NBPF26: variants seen among roughly 807,000 people sequenced by gnomAD.
NBPF26 encodes NBPF family member NBPF26.
Under a neutral mutation model 119.6 loss-of-function variants are expected in NBPF26, and 79 were observed. That is an observed-to-expected ratio of 0.66 (90% CI 0.55 to 0.80). The LOEUF is 0.80. Among genes scored for constraint, NBPF26 ranks in the 30% least tolerant of loss-of-function variants. NBPF26 has a pLI of 0.00. For missense variants in NBPF26, 800 were observed against 1,198.2 expected (o/e 0.67, Z 4.91); for synonymous variants, 299 against 457.7 (o/e 0.65, Z 4.43).
At position 120,724,410 on chromosome 1, in the gene NBPF26, G is replaced by A. The variant is rs1650792202; in HGVS notation, c.73+160G>A. Among the ~76,000 whole-genome samples the A allele has an allele frequency of 1.7e-5, 2 of 120,400 alleles. 1 individual carries two copies. Among genetic ancestry groups the A allele is most frequent in the Non-Finnish European group, 3.3e-5 (2 of 61,458 alleles). 79.0% of individuals were successfully genotyped at this position (120,400 alleles called of 152,430 possible). A position where few individuals can be genotyped will look rare whatever the true frequency, so the allele number is the denominator to read the frequency against. ...TTCCCAAGAGTTTGGACATCGCCGGGGGCCCCTCCCGTGGTGCCCCGCCAA... is the reference window on the plus strand; with the variant it reads ...TTCCCAAGAGTTTGGACATCGCCGGAGGCCCCTCCCGTGGTGCCCCGCCAA... On this transcript the variant is annotated intron_variant, in intron 1 of 29. Coordinates refer to ENST00000620612, the Ensembl canonical transcript of NBPF26.
intron 24 of NBPF26, 62 bp from the exon 31 acceptor site, chr1:120,836,455 G>A (rs1652428002): frequency 3.6e-4 from 23 of 63,436 alleles, no homozygotes; most frequent in Middle Eastern, 4.2e-3. Context: ...ATTAGACAGT[G>A]GATTGTTATG....
intron 1 of NBPF26, among the ~76,000 whole-genome samples, chr1:120,724,630 G>A (rs1241788009): frequency 8.2e-6 from 1 of 121,304 alleles, no homozygotes; most frequent in Non-Finnish European, 1.6e-5. Flanking sequence ...GCCTCGGAGG[G>A]GCTGAGCGAA....
At chr1:120,825,827 G>A (rs1652253554) in intron 18 of NBPF26, among the ~76,000 whole-genome samples, 141 bp downstream of exon 20, 2 of 442 alleles carry the variant, frequency 4.5e-3, no homozygotes, top group Non-Finnish European at 6.4e-3. Flanking sequence ...GTTGAATGAA[G>A]CTCTAGTTCC....
At chr1:120,759,882 A>C (rs1436592313) in intron 1 of NBPF26, among the ~76,000 whole-genome samples, 2 of 108,662 alleles carry the variant, frequency 1.8e-5, no homozygotes, top group Non-Finnish European at 3.4e-5. Flanking sequence ...ATTATTAACT[A>C]TATTCACCAC....
Position 120,790,011 on chromosome 1 carries a change from T to G in NBPF26, c.416-3150T>G, listed in dbSNP as rs1200990237. Among the ~76,000 whole-genome samples the G allele has an allele frequency of 1.6e-4, 4 of 25,490 alleles. 2 individuals are homozygous for G. Among genetic ancestry groups the G allele is most frequent in the Non-Finnish European group, 3.6e-4 (4 of 11,226 alleles). The allele number at this position is 25,490 out of a possible 152,430, so 16.7% of individuals were successfully genotyped here. A position where few individuals can be genotyped will look rare whatever the true frequency, so the allele number is the denominator to read the frequency against. On this transcript the variant is annotated intron_variant, in intron 3 of 29. Coordinates refer to ENST00000620612, the Ensembl canonical transcript of NBPF26. ...TGTGTTCTGCAAGATTCTGATCACC[T>G]TTTTTTTTTTTTTTTTTTTTTTTGA...
chr1:120,808,431 A>T, intron 6 of NBPF26, 114 bp from the exon 7 acceptor site: 1 of 964,912 alleles, frequency 1.0e-6, no homozygotes, highest in Non-Finnish European at 1.6e-6. Context: ...ACGTGTGCTG[A>T]CCTTCTGTTT....
rs1651166419 is a variant in NBPF26, at chr1:120,764,355, G to GT, written c.155+651dup. Among the ~76,000 whole-genome samples the GT allele has an allele frequency of 3.0e-5, 3 of 99,430 alleles. 1 individual carries two copies. Among genetic ancestry groups the GT allele is most frequent in the Admixed American group, 2.9e-4 (3 of 10,420 alleles). The allele number at this position is 99,430 out of a possible 152,430, so 65.2% of individuals were successfully genotyped here. ...CCCTTAACATGTTACCTATTATCTT[G>GT]TTTTTAAGTAAAACCAAATAGATAT... On this transcript the variant is annotated intron_variant, in intron 2 of 29. Transcript: ENST00000620612.
intron 5 of NBPF26, among the ~76,000 whole-genome samples, chr1:120,806,609 C>T (rs1357743124): frequency 0.08 from 9,950 of 124,136 alleles, 3,158 homozygotes; most frequent in African/African-American, 0.28. Context: ...ACAAACAAAA[C>T]GATAAATAAA....
rs1290617217 is a variant in NBPF26, at chr1:120,770,323, C to G, written c.155+6614C>G. The stretch of plus-strand genomic sequence containing the variant: ...TAGCCGGGACTATAAGCGCCCGCCA[C>G]CACGCCCGGCTAATTTTTTGTATTT... On this transcript the variant is annotated intron_variant, in intron 2 of 29. Transcript: ENST00000620612. Among the ~76,000 whole-genome samples, 29 of 108,162 alleles carry G rather than the reference C, an allele frequency of 2.7e-4. 5 individuals are homozygous for G. The highest frequency in any genetic ancestry group is 4.5e-4 in the Admixed American group (5 of 11,160). The allele number at this position is 108,162 out of a possible 152,430, so 71.0% of individuals were successfully genotyped here.
At chr1:120,793,645 T>C in intron 4 of NBPF26, 149 bp downstream of exon 4, 1 of 609,644 alleles carries the variant, frequency 1.6e-6, no homozygotes, top group Non-Finnish European at 2.9e-6. Context: ...GGGAGGAGTT[T>C]TATGGGCCCA....
intron 1 of NBPF26, among the ~76,000 whole-genome samples, chr1:120,744,960 AAAT>A (rs1175653808): frequency 3.8e-5 from 1 of 25,992 alleles, no homozygotes; most frequent in Non-Finnish European, 6.1e-5. Flanking sequence ...TCTTTACGAA[AAAT>A]AAAAAAATTA....
chr1:120,807,392 C>G (rs1253284266), intron 5 of NBPF26, among the ~76,000 whole-genome samples: 3 of 124,490 alleles, frequency 2.4e-5, no homozygotes, highest in African/African-American at 7.8e-5. Context: ...TTCCTTGATG[C>G]GCCCTTGAGT....
rs1234439489 is a variant in NBPF26, at chr1:120,724,309, C to G, written c.73+59C>G. On this transcript the variant is annotated intron_variant, in intron 1 of 29. Coordinates refer to ENST00000620612, the Ensembl canonical transcript of NBPF26. ...GCCCGGGGCTGCCACCTGGGGCGAC[C>G]CTTCTCCCCCTCAGTCCTTCTCTGT... 13 of 1,363,106 alleles carry G rather than the reference C, an allele frequency of 9.5e-6. 2 individuals are homozygous for G. Among genetic ancestry groups the G allele is most frequent in the Non-Finnish European group, 9.6e-7 (1 of 1,046,816 alleles). The allele number at this position is 1,363,106 out of a possible 1,614,324, so 84.4% of individuals were successfully genotyped here.
At position 120,777,473 on chromosome 1, in the gene NBPF26, G is replaced by C. The variant is rs1169855315; in HGVS notation, c.156-7501G>C. Among the ~76,000 whole-genome samples the C allele has an allele frequency of 9.2e-5, 10 of 108,954 alleles. 3 individuals are homozygous for C. Among genetic ancestry groups the C allele is most frequent in the Non-Finnish European group, 1.4e-4 (8 of 58,212 alleles). 71.5% of individuals were successfully genotyped at this position (108,954 alleles called of 152,430 possible). A position where few individuals can be genotyped will look rare whatever the true frequency, so the allele number is the denominator to read the frequency against. ...TGTGTGTACGTGTGTGAGAGTGAGA[G>C]ATTGTATACTTGTCTTTGTTTCTTC... On this transcript the variant is annotated intron_variant, in intron 2 of 29. Coordinates refer to ENST00000620612, the Ensembl canonical transcript of NBPF26.
At chr1:120,813,147 T>G (rs1189447663) in intron 10 of NBPF26, among the ~76,000 whole-genome samples, 2 of 120,154 alleles carry the variant, frequency 1.7e-5, no homozygotes, top group Non-Finnish European at 3.3e-5. Context: ...TTGTCTTGTC[T>G]GTCCCTCAGT....
intron 1 of NBPF26, among the ~76,000 whole-genome samples, chr1:120,758,920 C>T (rs1432464416): frequency 1.0e-5 from 1 of 95,584 alleles, no homozygotes; most frequent in Non-Finnish European, 1.9e-5. Flanking sequence ...CACTCCTGCA[C>T]CCCCAGCCTT....
chr1:120,793,442 G>A (rs2101472845), exon 4 of NBPF26: 1 of 1,441,240 alleles, frequency 6.9e-7, no homozygotes, highest in South Asian at 1.2e-5. Context: ...TTGTGTCAAT[G>A]GAGGCACCTG....
rs1651514243 is a variant in NBPF26 at position 120,793,298 on chromosome 1, G to A, written c.553G>A (p.Glu185Lys). 9.3e-6 allele frequency: 13 copies of A among 1,392,834 alleles called. 5 individuals are homozygous for A. Among genetic ancestry groups the A allele is most frequent in the East Asian group, 2.4e-5 (1 of 42,442 alleles). 86.3% of individuals were successfully genotyped at this position (1,392,834 alleles called of 1,614,324 possible). A position where few individuals can be genotyped will look rare whatever the true frequency, so the allele number is the denominator to read the frequency against. Residue 185 changes from glutamate to lysine, a missense_variant, in exon 4 of 30, where the codon GAG (glutamate) becomes AAG (lysine). Coordinates refer to ENST00000620612, the Ensembl canonical transcript of NBPF26. ...GCAGAAGTGTGAGACTGATGTCAAT[G>A]AGTGTGACATTCCAGGACACTGCCA...
rs1290001981 is a variant in NBPF26 at position 120,769,565 on chromosome 1, A to C, written c.155+5856A>C. 6.5e-5 allele frequency among the ~76,000 whole-genome samples: 8 copies of C among 123,034 alleles called. 1 individual carries two copies. The highest frequency in any genetic ancestry group is 3.5e-3 in the Middle Eastern group (1 of 282). 80.7% of individuals were successfully genotyped at this position (123,034 alleles called of 152,430 possible). ...AGTTCATTTATCTTTTTAACATAAAACAAAGAATGCTGTTTTTTTGGCTCA... is the reference window on the plus strand; with the variant it reads ...AGTTCATTTATCTTTTTAACATAAACCAAAGAATGCTGTTTTTTTGGCTCA... On this transcript the variant is annotated intron_variant, in intron 2 of 29. Coordinates refer to ENST00000620612, the Ensembl canonical transcript of NBPF26.
Sources: allele counts gnomAD v4.1 joint callset (sites outside exome capture counted in the v4.1 genomes callset), GRCh38; gene constraint gnomAD v4.1.1; transcripts MANE v1.5; gene names NCBI Gene and HGNC (gene_info 2026-07-23, HGNC 2026-07-21).